CLSTN2: variants seen among roughly 807,000 people sequenced by gnomAD.
The protein encoded by CLSTN2 is calsyntenin-2.
CLSTN2 carries 48 observed loss-of-function variants against 101.2 expected under a neutral mutation model. That is an observed-to-expected ratio of 0.47 (90% confidence interval 0.38 to 0.60). The LOEUF is 0.60. Ranked by LOEUF, CLSTN2 falls within the 20% of genes least tolerant of loss-of-function variation. CLSTN2 has a pLI of 0.00. For synonymous variants in CLSTN2, 481 were observed against 463.6 expected (o/e 1.04, Z -0.48); for missense variants, 1,160 against 1,238.2 (o/e 0.94, Z 0.95).
At chr3:140,366,769 A>G (rs1160806744) in intron 2 of CLSTN2, among the ~76,000 whole-genome samples, 1 of 152,182 alleles carries the variant, frequency 6.6e-6, no homozygotes, top group Non-Finnish European at 1.5e-5. Flanking sequence ...CCTATTTGAA[A>G]TTTGTCCTTG....
intron 1 of CLSTN2, among the ~76,000 whole-genome samples, chr3:140,030,255 T>G (rs1305650304): frequency 6.6e-6 from 1 of 152,160 alleles, no homozygotes; most frequent in African/African-American, 2.4e-5. Context: ...GAGAGACAGA[T>G]GATATTATTC....
chr3:140,240,201 C>CAT (rs2086451833), intron 2 of CLSTN2, among the ~76,000 whole-genome samples: 2 of 26,030 alleles, frequency 7.7e-5, no homozygotes, highest in Admixed American at 9.2e-4. Context: ...TATATATATA[C>CAT]ACACACACAC....
At chr3:140,262,274 C>A (rs1324596131) in intron 2 of CLSTN2, among the ~76,000 whole-genome samples, 4 of 152,170 alleles carry the variant, frequency 2.6e-5, no homozygotes, top group Non-Finnish European at 5.9e-5. Context: ...AGTGGTGAAG[C>A]TGGCCTTCCA....
chr3:140,369,759 A>G (rs975609886), intron 2 of CLSTN2, among the ~76,000 whole-genome samples: 6 of 152,048 alleles, frequency 3.9e-5, no homozygotes, highest in African/African-American at 1.2e-4. Flanking sequence ...TTTCTTACCT[A>G]GCCTTGTATT....
intron 1 of CLSTN2, among the ~76,000 whole-genome samples, chr3:140,062,895 T>G (rs568761542): frequency 6.6e-6 from 1 of 152,300 alleles, no homozygotes; most frequent in Non-Finnish European, 1.5e-5. Context: ...GTACATTATC[T>G]CAGCATAAAG....
intron 1 of CLSTN2, among the ~76,000 whole-genome samples, chr3:140,050,279 C>A (rs902741992): frequency 1.3e-5 from 2 of 152,136 alleles, no homozygotes; most frequent in African/African-American, 2.4e-5. Context: ...GAACAGGAAA[C>A]AAAAGCTTGC....
At chr3:140,496,899 G>A (rs1474764447) in intron 8 of CLSTN2, among the ~76,000 whole-genome samples, 1 of 152,144 alleles carries the variant, frequency 6.6e-6, no homozygotes, top group East Asian at 1.9e-4. Context: ...TCAGGAGTTC[G>A]AGACTAGCCT....
intron 2 of CLSTN2, among the ~76,000 whole-genome samples, chr3:140,195,019 G>A (rs986892136): frequency 6.6e-6 from 1 of 152,202 alleles, no homozygotes; most frequent in African/African-American, 2.4e-5. Flanking sequence ...CATTGGGGAT[G>A]AAAGTTCTAG....
At chr3:140,554,886 T>C (rs1036057338) in intron 10 of CLSTN2, among the ~76,000 whole-genome samples, 10 of 152,250 alleles carry the variant, frequency 6.6e-5, no homozygotes, top group African/African-American at 2.4e-4. Context: ...TGATACATTA[T>C]GTATGAGGTA....
intron 2 of CLSTN2, among the ~76,000 whole-genome samples, chr3:140,198,706 A>T (rs2062117245): frequency 6.6e-6 from 1 of 152,190 alleles, no homozygotes; most frequent in African/African-American, 2.4e-5. Flanking sequence ...TTGCAGGTCA[A>T]CAGGTGACGT....
chr3:140,512,155 A>G (rs7614724), intron 8 of CLSTN2, among the ~76,000 whole-genome samples: 11,778 of 151,974 alleles, frequency 0.078, 1,501 homozygotes, highest in African/African-American at 0.27. Context: ...CTCATTTGTC[A>G]ATTTTTGCTT....
At chr3:140,258,809 A>C in intron 2 of CLSTN2, among the ~76,000 whole-genome samples, 1 of 152,230 alleles carries the variant, frequency 6.6e-6, no homozygotes, top group Non-Finnish European at 1.5e-5. Flanking sequence ...GACACTTGCC[A>C]TATGATTGTA....
chr3:140,440,751 G>C (rs1343683126), intron 5 of CLSTN2, among the ~76,000 whole-genome samples: 3 of 152,196 alleles, frequency 2.0e-5, no homozygotes, highest in African/African-American at 7.2e-5. Flanking sequence ...GTTATGCTCT[G>C]TGGACTCCTT....
At chr3:140,161,716 C>G (rs2010049844) in intron 1 of CLSTN2, among the ~76,000 whole-genome samples, 1 of 152,142 alleles carries the variant, frequency 6.6e-6, no homozygotes, top group Non-Finnish European at 1.5e-5. Context: ...TCTCCCCACT[C>G]TCTTCCTCCC....
In CLSTN2 at chr3:140,247,565, T is replaced by C. The variant is rs560846936; in HGVS notation, c.232+71492T>C. ...AGCGTGAGAGCAGGGAACATCTGGA[T>C]CTCTAAAGTAAAACAAAATGAGATG... On this transcript the variant is annotated intron_variant, in intron 2 of 16. Transcript: ENST00000458420. Among the ~76,000 whole-genome samples the C allele has an allele frequency of 8.5e-5, 13 of 152,324 alleles. No individual in the cohort carries two copies. The South Asian group carries it at 2.7e-3, about 32-fold the overall frequency.
intron 1 of CLSTN2, among the ~76,000 whole-genome samples, chr3:139,946,988 T>A (rs1935225855): frequency 6.6e-6 from 1 of 152,232 alleles, no homozygotes; most frequent in South Asian, 2.1e-4. Context: ...AGGTTCTGAA[T>A]GTTCATTTTT....
chr3:140,113,999 A>G (rs4568079), intron 1 of CLSTN2, among the ~76,000 whole-genome samples: 28,053 of 152,146 alleles, frequency 0.18, 3,040 homozygotes, highest in East Asian at 0.45. Context: ...AGAACTGGCA[A>G]GCTCTGGGGA....
intron 1 of CLSTN2, among the ~76,000 whole-genome samples, chr3:140,015,066 C>T (rs950669514): frequency 3.9e-5 from 6 of 152,172 alleles, no homozygotes; most frequent in Non-Finnish European, 7.3e-5. Flanking sequence ...TATTCACATC[C>T]ATCCCCCTTG....
chr3:140,054,917 A>C (rs563033165), intron 1 of CLSTN2, among the ~76,000 whole-genome samples: 1 of 152,308 alleles, frequency 6.6e-6, no homozygotes, highest in South Asian at 2.1e-4. Flanking sequence ...TAATGGGGAC[A>C]AGGTCACCCA....
Sources: allele counts gnomAD v4.1 joint callset (sites outside exome capture counted in the v4.1 genomes callset), GRCh38; gene constraint gnomAD v4.1.1; transcripts MANE v1.5; gene names NCBI Gene and HGNC (gene_info 2026-07-23, HGNC 2026-07-21).